PRMT3: variants seen among roughly 807,000 people sequenced by gnomAD.
PRMT3 encodes the protein protein arginine N-methyltransferase 3.
In PRMT3, 62 loss-of-function variants were observed where a neutral mutation model predicts 71.9. The ratio of observed to expected loss-of-function variants is 0.86; its 90% CI spans 0.70 to 1.07. The LOEUF is 1.07. Among genes scored for constraint, PRMT3 ranks in the 50% least tolerant of loss-of-function variants. The pLI is 0.00. For synonymous variants in PRMT3, 213 were observed against 220.4 expected, an observed-to-expected ratio of 0.97 and a Z score of 0.30; for missense variants, 663 against 643.0, an observed-to-expected ratio of 1.03 and a Z score of -0.34.
At chr11:20,477,551 G>A (rs555317515) in intron 13 of PRMT3, among the ~76,000 whole-genome samples, 6 of 141,294 alleles carry the variant, frequency 4.2e-5, no homozygotes, top group South Asian at 2.5e-4. Context: ...GCAAGATTCC[G>A]TCTCAAAAAA....
At chr11:20,496,493 A>G (rs920369580) in intron 15 of PRMT3, among the ~76,000 whole-genome samples, 5 of 151,998 alleles carry the variant, frequency 3.3e-5, no homozygotes, top group Non-Finnish European at 7.4e-5. Context: ...GATACCATTT[A>G]TGTGAACTTT....
At position 20,493,905 on chromosome 11, in the gene PRMT3, T is replaced by A; in HGVS notation, c.1348-14T>A. 1 of 1,546,162 alleles carries A rather than the reference T, an allele frequency of 6.5e-7. No individual in the cohort carries two copies. On this transcript the variant is annotated splice_polypyrimidine_tract_variant and intron_variant, in intron 13 of 15. Coordinates refer to ENST00000331079, the MANE Select transcript of PRMT3 (RefSeq NM_005788.4). ...CATTTAGTAAGCATTTATATTTCTTTTTTTAAAAAACAGGCAATTGCTGGC... is the reference window on the plus strand; with the variant it reads ...CATTTAGTAAGCATTTATATTTCTTATTTTAAAAAACAGGCAATTGCTGGC...
At chr11:20,443,808 G>A (rs1282785013) in intron 10 of PRMT3, among the ~76,000 whole-genome samples, 2 of 152,142 alleles carry the variant, frequency 1.3e-5, no homozygotes, top group African/African-American at 4.8e-5. Context: ...AAGTGAGAGT[G>A]CCATCCAGTG....
chr11:20,495,173 G>A (rs577926670), intron 15 of PRMT3, among the ~76,000 whole-genome samples: 10 of 151,866 alleles, frequency 6.6e-5, no homozygotes, highest in East Asian at 1.9e-4. Flanking sequence ...GCACCACCAC[G>A]CCCAGCTAAT....
intron 13 of PRMT3, among the ~76,000 whole-genome samples, chr11:20,468,654 C>A (rs76283478): frequency 0.037 from 5,702 of 152,222 alleles, 316 homozygotes; most frequent in African/African-American, 0.13. Flanking sequence ...CAGGCATGAA[C>A]CACTCTCTGC....
chr11:20,464,517 C>A lies in PRMT3; in HGVS notation c.1318C>A (p.Leu440Met). ...SDLEFSSDFT[L>M]KITRTSMCTA... Reference sequence around the variant, plus strand: ...TTTGGAATTTTCATCAGATTTTACCCTGAAAATCACAAGGACATCCATGTG... The same window carrying A: ...TTTGGAATTTTCATCAGATTTTACCATGAAAATCACAAGGACATCCATGTG... The change falls in exon 13 of 16, where the codon CTG becomes ATG. Residue 440 changes from leucine to methionine, a missense_variant. Transcript: ENST00000331079. 2 of 1,612,046 alleles carry A rather than the reference C, an allele frequency of 1.2e-6. No homozygotes were observed. The highest frequency in any genetic ancestry group is 1.7e-6 in the Non-Finnish European group (2 of 1,179,114).
rs987921800 is a variant in PRMT3 at position 20,494,181 on chromosome 11, G to T, written c.1413G>T (p.Thr471=). ...TACCAATTCAGGTCGTGTTCTCTACGGGCCCTCAGAGCACCAAAACACACT... is the reference window on the plus strand; with the variant it reads ...TACCAATTCAGGTCGTGTTCTCTACTGGCCCTCAGAGCACCAAAACACACT... ...KNCHNRVVFS[T]GPQSTKTHWK... Residue 471 remains threonine (T), a synonymous_variant, in exon 15 of 16, where the codon ACG becomes ACT. Coordinates refer to ENST00000331079, the MANE Select transcript of PRMT3 (RefSeq NM_005788.4). The T allele has an allele frequency of 6.2e-7, 1 of 1,608,590 alleles. No individual in the cohort carries two copies. The highest frequency in any genetic ancestry group is 1.7e-5 in the Admixed American group (1 of 59,906).
At chr11:20,477,680 C>A (rs1850825524) in intron 13 of PRMT3, among the ~76,000 whole-genome samples, 1 of 152,062 alleles carries the variant, frequency 6.6e-6, no homozygotes, top group South Asian at 2.1e-4. Context: ...CTTGAGGTAC[C>A]TGAAACAAAT....
At chr11:20,449,946 A>G (rs1434543373) in intron 10 of PRMT3, among the ~76,000 whole-genome samples, 1 of 152,128 alleles carries the variant, frequency 6.6e-6, no homozygotes, top group African/African-American at 2.4e-5. Flanking sequence ...AAAAACAAAA[A>G]TAAATAGTAT....
At chr11:20,501,426 A>G (rs1189788864) in intron 15 of PRMT3, among the ~76,000 whole-genome samples, 2 of 152,166 alleles carry the variant, frequency 1.3e-5, no homozygotes, top group African/African-American at 4.8e-5. Context: ...TTGGATGGCC[A>G]ATTTTGCCAA....
At chr11:20,488,498 A>G (rs1013409038) in intron 13 of PRMT3, among the ~76,000 whole-genome samples, 22 of 152,188 alleles carry the variant, frequency 1.4e-4, no homozygotes, top group Admixed American at 9.2e-4. Context: ...TGCATGGATT[A>G]CAAGCACTCT....
At chr11:20,390,272 A>G (rs1848684687) in intron 3 of PRMT3, among the ~76,000 whole-genome samples, 1 of 152,248 alleles carries the variant, frequency 6.6e-6, no homozygotes, top group African/African-American at 2.4e-5. Flanking sequence ...TTTTTTGACA[A>G]GCGGTCCTTG....
At chr11:20,392,186 G>T in intron 3 of PRMT3, 25 bp from the exon 4 acceptor site, 1 of 1,566,810 alleles carries the variant, frequency 6.4e-7, no homozygotes, top group Non-Finnish European at 8.7e-7. Context: ...GTTAACATAG[G>T]TGAATTATCT....
intron 6 of PRMT3, 41 bp from the exon 7 acceptor site, chr11:20,397,536 C>T (rs200497358): frequency 8.4e-5 from 135 of 1,603,878 alleles, no homozygotes; most frequent in Non-Finnish European, 9.4e-5. Context: ...ATTCATGGTC[C>T]AATAAACCTG....
At chr11:20,408,789 C>A (rs79606332) in intron 9 of PRMT3, among the ~76,000 whole-genome samples, 1 of 152,236 alleles carries the variant, frequency 6.6e-6, no homozygotes, top group African/African-American at 2.4e-5. Flanking sequence ...ATTGCTGTTC[C>A]ACTCTTAAGA....
intron 15 of PRMT3, among the ~76,000 whole-genome samples, chr11:20,495,231 G>C (rs1050041122): frequency 6.6e-6 from 1 of 152,068 alleles, no homozygotes; most frequent in Non-Finnish European, 1.5e-5. Context: ...GGCTAGGCTG[G>C]TCTCAAACTC....
chr11:20,488,994 A>G (rs1851144512), intron 13 of PRMT3, among the ~76,000 whole-genome samples: 1 of 152,168 alleles, frequency 6.6e-6, no homozygotes, highest in African/African-American at 2.4e-5. Flanking sequence ...TTTAAGATGT[A>G]CAACAGAGCT....
intron 13 of PRMT3, among the ~76,000 whole-genome samples, chr11:20,482,234 C>G (rs750868174): frequency 3.0e-4 from 45 of 151,990 alleles, no homozygotes; most frequent in Non-Finnish European, 5.4e-4. Flanking sequence ...GAAATTTTAT[C>G]AGCATTTTAA....
intron 8 of PRMT3, 134 bp from the exon 9 acceptor site, chr11:20,407,777 C>A (rs1161294254): frequency 6.9e-6 from 6 of 871,320 alleles, no homozygotes; most frequent in Non-Finnish European, 9.9e-6. Context: ...GCGTGAGCCA[C>A]CGCGCCTGGC....
Sources: gnomAD v4.1 joint callset for allele counts (sites outside exome capture counted in the v4.1 genomes callset) on GRCh38, gnomAD v4.1.1 for gene constraint, MANE v1.5 for transcripts, NCBI Gene and HGNC (gene_info 2026-07-23, HGNC 2026-07-21) for gene names.